Variants in SYS1 observed in about 807,000 individuals in gnomAD.
The protein encoded by SYS1 is protein SYS1 homolog.
A neutral mutation model predicts 17.8 loss-of-function variants in SYS1; 8 were observed. The ratio of observed to expected loss-of-function variants is 0.45; its 90% CI spans 0.26 to 0.81. The LOEUF is 0.81. SYS1 is among the 40% of genes least tolerant of loss of function. SYS1 has a pLI of 0.16. For synonymous variants in SYS1, 95 were observed against 90.9 expected (o/e 1.05, Z -0.26); for missense variants, 161 against 203.9 (o/e 0.79, Z 1.28).
exon 4 of SYS1, chr20:45,374,320 TG>T (rs1449708665): frequency 1.3e-5 from 9 of 688,830 alleles, no homozygotes; most frequent in Non-Finnish European, 2.1e-5. Context: ...TTGCCCAGGC[TG>T]GAGTGCAGTG....
chr20:45,362,176 A>G (rs73301810), upstream of SYS1: 4,804 of 278,042 alleles, frequency 0.017, 242 homozygotes, highest in African/African-American at 0.1. Flanking sequence ...CGACTTCAGA[A>G]CCTGTGCCTT....
intron 2 of SYS1, among the ~76,000 whole-genome samples, chr20:45,364,217 G>A (rs896620940): frequency 6.6e-6 from 1 of 152,152 alleles, no homozygotes; most frequent in African/African-American, 2.4e-5. Context: ...ATGTGCTTTG[G>A]GTTCAGAAAA....
intron 3 of SYS1, chr20:45,365,937 G>A (rs541873404): frequency 1.9e-6 from 1 of 526,652 alleles, no homozygotes; most frequent in East Asian, 3.4e-5. Context: ...TAACTTCCCT[G>A]ATGTGGAGTG....
upstream of SYS1, among the ~76,000 whole-genome samples, chr20:45,362,755 T>C (rs1003366657): frequency 6.6e-6 from 1 of 152,168 alleles, no homozygotes; most frequent in African/African-American, 2.4e-5. Flanking sequence ...CTTAACTATC[T>C]GTACAGCGGG....
Position 45,367,795 on chromosome 20 carries a change from G to T in SYS1, c.*680G>T. The T allele has an allele frequency of 6.1e-6, 6 of 986,154 alleles. No individual in the cohort carries two copies. Among genetic ancestry groups the T allele is most frequent in the Non-Finnish European group, 7.2e-6 (6 of 830,202 alleles). 61.1% of individuals were successfully genotyped at this position (986,154 alleles called of 1,614,324 possible). A position where few individuals can be genotyped will look rare whatever the true frequency, so the allele number is the denominator to read the frequency against. ...CATCCTGCTGCCAGCTCTCAACATA[G>T]CAGGCCATAGGACCCAGAGAAGAAT... is the stretch of plus-strand genomic sequence containing the variant. On this transcript the variant is annotated 3_prime_UTR_variant, in exon 4 of 4. Transcript: ENST00000243918.
chr20:45,375,477 G>C (rs750302159), exon 4 of SYS1: 1 of 1,613,632 alleles, frequency 6.2e-7, no homozygotes, highest in Non-Finnish European at 8.5e-7. Context: ...TCTTGGACTT[G>C]AGTTCCTTCT....
At chr20:45,366,812 C>A in intron 3 of SYS1, 63 bp from the exon 4 acceptor site, 1 of 1,389,136 alleles carries the variant, frequency 7.2e-7, no homozygotes, top group Non-Finnish European at 1.0e-6. Flanking sequence ...TTGTCCCTAC[C>A]CTCCCAAATA....
Position 45,363,227 on chromosome 20 carries a change from T to C in SYS1, c.-92T>C. The C allele has an allele frequency of 8.8e-7, 1 of 1,134,902 alleles. No individual in the cohort carries two copies. The highest frequency in any genetic ancestry group is 1.1e-6 in the Non-Finnish European group (1 of 921,232). The allele number at this position is 1,134,902 out of a possible 1,614,324, so 70.3% of individuals were successfully genotyped here. A position where few individuals can be genotyped will look rare whatever the true frequency, so the allele number is the denominator to read the frequency against. On this transcript the variant is annotated 5_prime_UTR_variant, in exon 1 of 4. Coordinates refer to ENST00000243918, the MANE Select transcript of SYS1 (RefSeq NM_033542.4). ...CTCTCTAGGCCGGCAGCGCCTCTCC[T>C]CCATGGTCCTGTCTGTCAGCGCTGT...
intron 3 of SYS1, among the ~76,000 whole-genome samples, chr20:45,366,167 C>T (rs1988406848): frequency 6.6e-6 from 1 of 152,196 alleles, no homozygotes; most frequent in Admixed American, 6.5e-5. Context: ...ACTCATTTGG[C>T]ATTGAACCTC....
chr20:45,364,774 C>G (rs905995599), intron 2 of SYS1, among the ~76,000 whole-genome samples: 7 of 152,160 alleles, frequency 4.6e-5, no homozygotes, highest in Admixed American at 6.5e-5. Context: ...CCCGGCCGAG[C>G]ACAGTTCTTA....
chr20:45,367,785 T>G lies in SYS1; in HGVS notation c.*670T>G, dbSNP rs1988465882. 1 of 986,286 alleles carries G rather than the reference T, an allele frequency of 1.0e-6. No individual in the cohort carries two copies. Among genetic ancestry groups the G allele is most frequent in the East Asian group, 1.1e-4 (1 of 8,824 alleles). The allele number at this position is 986,286 out of a possible 1,614,324, so 61.1% of individuals were successfully genotyped here. A position where few individuals can be genotyped will look rare whatever the true frequency, so the allele number is the denominator to read the frequency against. ...ACCAGGTCCCCATCCTGCTGCCAGC[T>G]CTCAACATAGCAGGCCATAGGACCC... On this transcript the variant is annotated 3_prime_UTR_variant, in exon 4 of 4. Coordinates refer to ENST00000243918, the MANE Select transcript of SYS1 (RefSeq NM_033542.4).
chr20:45,362,614 C>A (rs922675289), upstream of SYS1, among the ~76,000 whole-genome samples: 11 of 152,210 alleles, frequency 7.2e-5, no homozygotes, highest in Non-Finnish European at 1.5e-4. Flanking sequence ...AATCCGCCCA[C>A]CTCAGCCTCC....
chr20:45,363,508 G>T, intron 1 of SYS1, 21 bp from the exon 2 acceptor site: 1 of 1,575,912 alleles, frequency 6.3e-7, no homozygotes. Flanking sequence ...GCTGGCTGAG[G>T]CCCGGCTCGT....
rs745794639 is a variant in SYS1, at chr20:45,366,872, C to T, written c.231-3C>T. 45 of 1,613,698 alleles carry T rather than the reference C, an allele frequency of 2.8e-5. No individual in the cohort carries two copies. The highest frequency in any genetic ancestry group is 3.6e-5 in the Non-Finnish European group (42 of 1,179,720). On this transcript the variant is annotated splice_region_variant and splice_polypyrimidine_tract_variant and intron_variant, in intron 3 of 3. Transcript: ENST00000243918. ...ACAACTCACTGCTGTCCTCTCCCCA[C>T]AGTGCCCTGGGCTTGCTGTACTTCA...
chr20:45,372,916 T>C (rs1384114367), downstream of SYS1: 1 of 32,576 alleles, frequency 3.1e-5, no homozygotes, highest in African/African-American at 1.3e-4. Flanking sequence ...GGGAGGAGTG[T>C]GTGAGTGGGC....
chr20:45,362,172 C>T (rs1264898607), upstream of SYS1: 2 of 297,826 alleles, frequency 6.7e-6, no homozygotes, highest in African/African-American at 4.5e-5. Context: ...TGTGCGACTT[C>T]AGAACCTGTG....
chr20:45,363,513 G>T lies in SYS1; in HGVS notation c.-3-16G>T. On this transcript the variant is annotated splice_polypyrimidine_tract_variant and intron_variant, in intron 1 of 3. Transcript: ENST00000243918. Reference sequence around the variant, plus strand: ...GAGACAGGCCGCTGGCTGAGGCCCGGCTCGTGTCCCTGCAGGGCATGGCGG... The same window carrying T: ...GAGACAGGCCGCTGGCTGAGGCCCGTCTCGTGTCCCTGCAGGGCATGGCGG... 6.3e-7 allele frequency: 1 copy of T among 1,582,048 alleles called. No individual in the cohort carries two copies. Among genetic ancestry groups the T allele is most frequent in the South Asian group, 1.1e-5 (1 of 87,364 alleles).
rs1226943572 is a variant in SYS1 at position 45,367,082 on chromosome 20, AC to A, written c.442del (p.Leu148SerfsTer24). 6.2e-7 allele frequency: 1 copy of A among 1,613,998 alleles called. No individual in the cohort carries two copies. The highest frequency in any genetic ancestry group is 8.5e-7 in the Non-Finnish European group (1 of 1,180,032). Reference sequence around the variant, plus strand: ...GCATGCGGACGGAGCTCAAGGAGATACCCCTCAACTCAGCCCCTAAATCCAA... The same window carrying A: ...GCATGCGGACGGAGCTCAAGGAGATACCCTCAACTCAGCCCCTAAATCCAA... ...LCMRTELKEIPLNSAPKSNV is the reference protein window; with the variant it reads ...LCMRTELKEIXLNSAPKSNV On this transcript the variant is annotated frameshift_variant, in exon 4 of 4. Coordinates refer to ENST00000243918, the MANE Select transcript of SYS1 (RefSeq NM_033542.4). LOFTEE classifies it high-confidence loss of function.
chr20:45,365,318 G>T, intron 2 of SYS1: 1 of 454,864 alleles, frequency 2.2e-6, no homozygotes, highest in Non-Finnish European at 4.1e-6. Flanking sequence ...ATAGTCAGCT[G>T]AACGCTGTTC....
Sources: gnomAD v4.1 joint callset for allele counts (sites outside exome capture counted in the v4.1 genomes callset) on GRCh38, gnomAD v4.1.1 for gene constraint, MANE v1.5 for transcripts, NCBI Gene and HGNC (gene_info 2026-07-23, HGNC 2026-07-21) for gene names.